Variants in AGK observed in about 807,000 individuals in gnomAD.
The protein encoded by AGK is acylglycerol kinase.
Under a neutral mutation model 66.4 loss-of-function variants are expected in AGK, and 52 were observed. The ratio of observed to expected loss-of-function variants is 0.78; its 90% CI spans 0.63 to 0.99. The LOEUF (loss-of-function observed/expected upper bound fraction) is 0.99, where lower values mean the gene tolerates loss of function less well. Among genes scored for constraint, AGK ranks in the 50% least tolerant of loss-of-function variants. AGK has a pLI of 0.00. For synonymous variants in AGK, 182 were observed against 181.1 expected (o/e 1.00, Z -0.04); for missense variants, 451 against 506.6 (o/e 0.89, Z 1.05).
intron 3 of AGK, chr7:141,594,323 T>G (rs1050615420): frequency 6.6e-6 from 1 of 152,462 alleles, no homozygotes; most frequent in Non-Finnish European, 1.5e-5. Flanking sequence ...GCCTCTTGAG[T>G]AGCTGGGACT....
At chr7:141,649,556 T>C (rs983291463) in intron 14 of AGK, among the ~76,000 whole-genome samples, 1 of 152,202 alleles carries the variant, frequency 6.6e-6, no homozygotes, top group Admixed American at 6.5e-5. Flanking sequence ...GCAGTCTTTG[T>C]TTTTCAATTG....
chr7:141,581,762 G>T (rs1246688967), intron 2 of AGK, among the ~76,000 whole-genome samples: 2 of 151,934 alleles, frequency 1.3e-5, no homozygotes, highest in Non-Finnish European at 2.9e-5. Context: ...CCTAGGAACA[G>T]TCAGGGAGGC....
At chr7:141,632,582 A>G (rs1797082700) in intron 9 of AGK, among the ~76,000 whole-genome samples, 1 of 152,176 alleles carries the variant, frequency 6.6e-6, no homozygotes, top group Non-Finnish European at 1.5e-5. Flanking sequence ...CTGGGATACT[A>G]TCATCCCTGG....
intron 10 of AGK, among the ~76,000 whole-genome samples, chr7:141,634,231 A>G (rs531480619): frequency 6.6e-6 from 1 of 152,262 alleles, no homozygotes; most frequent in Non-Finnish European, 1.5e-5. Context: ...GTATGTCTCT[A>G]TTTTTAGACA....
chr7:141,581,015 TG>T (rs1795870852), intron 2 of AGK, among the ~76,000 whole-genome samples: 2 of 151,872 alleles, frequency 1.3e-5, no homozygotes, highest in African/African-American at 4.9e-5. Context: ...AAGGCGAAAG[TG>T]TCCAACCATG....
chr7:141,628,544 C>T (rs544622967), intron 9 of AGK, among the ~76,000 whole-genome samples: 9 of 152,204 alleles, frequency 5.9e-5, no homozygotes, highest in South Asian at 2.1e-4. Flanking sequence ...ATATATCTGA[C>T]GATTCTCCAT....
intron 2 of AGK, among the ~76,000 whole-genome samples, chr7:141,577,818 CTT>C (rs71172606): frequency 7.3e-4 from 100 of 136,358 alleles, no homozygotes; most frequent in African/African-American, 1.5e-3. Flanking sequence ...CATAAATCTT[CTT>C]TTTTTTTTTT....
chr7:141,649,110 AAG>A, intron 13 of AGK, 151 bp from the exon 14 acceptor site: 4 of 433,940 alleles, frequency 9.2e-6, no homozygotes, highest in South Asian at 7.3e-5. Flanking sequence ...AAAAAAAAAA[AAG>A]ATTGAAAATA....
In AGK at chr7:141,577,520, A is replaced by G. The variant is rs549463531; in HGVS notation, c.102-15626A>G. Among the ~76,000 whole-genome samples, 3 of 152,334 alleles carry G rather than the reference A, an allele frequency of 2.0e-5. No individual in the cohort carries two copies. The East Asian group carries it at 5.8e-4, about 29-fold the overall frequency. On this transcript the variant is annotated intron_variant, in intron 2 of 15. Coordinates refer to ENST00000649286, the MANE Select transcript of AGK (RefSeq NM_018238.4). ...CTTGCAGACAATTTGAAGGGTGAGAAAAATGGAATTTATTGGGCAAAAAGG... is the reference window on the plus strand; with the variant it reads ...CTTGCAGACAATTTGAAGGGTGAGAGAAATGGAATTTATTGGGCAAAAAGG...
At chr7:141,607,911 A>G (rs1796498987) in intron 5 of AGK, among the ~76,000 whole-genome samples, 1 of 152,070 alleles carries the variant, frequency 6.6e-6, no homozygotes, top group African/African-American at 2.4e-5. Context: ...CCTCAAATAT[A>G]TTAATATTAT....
intron 9 of AGK, among the ~76,000 whole-genome samples, chr7:141,630,634 T>C (rs774283632): frequency 5.9e-5 from 9 of 152,218 alleles, no homozygotes; most frequent in Non-Finnish European, 1.0e-4. Flanking sequence ...ACTTCCCTGA[T>C]ACTCAATAGG....
At chr7:141,648,414 A>G in intron 13 of AGK, among the ~76,000 whole-genome samples, 1 of 152,174 alleles carries the variant, frequency 6.6e-6, no homozygotes, top group East Asian at 1.9e-4. Flanking sequence ...TAAAAGGTGA[A>G]CTTTCAAAGT....
At chr7:141,648,091 C>G (rs1797461715) in intron 13 of AGK, among the ~76,000 whole-genome samples, 1 of 152,206 alleles carries the variant, frequency 6.6e-6, no homozygotes, top group African/African-American at 2.4e-5. Flanking sequence ...CCGGCTCCCT[C>G]ACCTCCTTCA....
intron 9 of AGK, among the ~76,000 whole-genome samples, chr7:141,626,294 A>G (rs964952064): frequency 6.6e-6 from 1 of 152,204 alleles, no homozygotes; most frequent in African/African-American, 2.4e-5. Context: ...TTCCAGTGAT[A>G]TTTCAGGATT....
At chr7:141,589,250 A>C (rs139417397) in intron 2 of AGK, among the ~76,000 whole-genome samples, 71 of 152,296 alleles carry the variant, frequency 4.7e-4, no homozygotes, top group Non-Finnish European at 8.4e-4. Context: ...CTGTTACCTG[A>C]TAATGCCTAC....
intron 3 of AGK, among the ~76,000 whole-genome samples, chr7:141,594,367 G>A (rs1314484631): frequency 2.6e-5 from 4 of 151,966 alleles, no homozygotes; most frequent in African/African-American, 9.7e-5. Flanking sequence ...GCTAATTTTT[G>A]TATTTTTAGT....
intron 2 of AGK, among the ~76,000 whole-genome samples, chr7:141,577,628 G>C (rs990801609): frequency 6.6e-6 from 1 of 152,120 alleles, no homozygotes; most frequent in East Asian, 1.9e-4. Flanking sequence ...TGAATTCCAG[G>C]TTCCGCCCCA....
chr7:141,647,239 G>C (rs1364794165), intron 13 of AGK, among the ~76,000 whole-genome samples: 1 of 152,160 alleles, frequency 6.6e-6, no homozygotes, highest in Non-Finnish European at 1.5e-5. Flanking sequence ...ACGGCAGCCA[G>C]AGTGATCCTA....
At chr7:141,576,588 T>C (rs1251866514) in intron 2 of AGK, among the ~76,000 whole-genome samples, 1 of 148,860 alleles carries the variant, frequency 6.7e-6, no homozygotes, top group Non-Finnish European at 1.5e-5. Context: ...GGATACTAGA[T>C]ACTAGATACT....
Sources: allele counts gnomAD v4.1 joint callset (sites outside exome capture counted in the v4.1 genomes callset), GRCh38; gene constraint gnomAD v4.1.1; transcripts MANE v1.5; gene names NCBI Gene and HGNC (gene_info 2026-07-23, HGNC 2026-07-21).